The following CA10 variants were observed in gnomAD, a reference collection of about 807,000 sequenced individuals.
CA10 encodes carbonic anhydrase-related protein 10.
Under a neutral mutation model 44.2 loss-of-function variants are expected in CA10, and 14 were observed. The observed-to-expected ratio is 0.32, with a 90% CI of 0.21 to 0.50. The LOEUF (loss-of-function observed/expected upper bound fraction) is 0.50, where lower values mean the gene tolerates loss of function less well. Among genes scored for constraint, CA10 ranks in the 20% least tolerant of loss-of-function variants. The pLI, the probability that CA10 is intolerant of heterozygous loss-of-function variation, is 0.99. For missense variants in CA10, 350 were observed against 409.7 expected (o/e 0.85, Z 1.26); for synonymous variants, 159 against 141.6 (o/e 1.12, Z -0.87).
chr17:51,706,340 T>G (rs1487900164), intron 4 of CA10, among the ~76,000 whole-genome samples: 2 of 152,250 alleles, frequency 1.3e-5, no homozygotes, highest in African/African-American at 4.8e-5. Context: ...AAATGAGCTC[T>G]CATGGAAACT....
chr17:52,102,342 G>A (rs536309530), intron 1 of CA10, among the ~76,000 whole-genome samples: 4 of 152,134 alleles, frequency 2.6e-5, no homozygotes, highest in Admixed American at 6.5e-5. Context: ...TTTGCTGAGC[G>A]ATTATTTCAA....
At chr17:52,104,690 G>A (rs976917331) in intron 1 of CA10, among the ~76,000 whole-genome samples, 3 of 151,992 alleles carry the variant, frequency 2.0e-5, no homozygotes, top group Non-Finnish European at 2.9e-5. Flanking sequence ...TGGACTCCAC[G>A]GCACAACAAG....
At chr17:52,155,562 T>C (rs1315145955) in intron 1 of CA10, among the ~76,000 whole-genome samples, 2 of 152,162 alleles carry the variant, frequency 1.3e-5, no homozygotes, top group African/African-American at 4.8e-5. Context: ...ACTGAATGAG[T>C]GGCTCTGCTT....
intron 3 of CA10, among the ~76,000 whole-genome samples, chr17:51,833,189 C>G (rs1216045521): frequency 2.0e-5 from 3 of 152,150 alleles, no homozygotes; most frequent in African/African-American, 7.2e-5. Flanking sequence ...CCAGGCTTCT[C>G]CCTTGAGCAT....
chr17:51,793,629 T>G (rs77845006), intron 3 of CA10, among the ~76,000 whole-genome samples: 129 of 152,358 alleles, frequency 8.5e-4, no homozygotes, highest in African/African-American at 3.1e-3. Context: ...TGCTGTAGCT[T>G]GGTAATAAAC....
chr17:52,080,514 A>G (rs1987946478), intron 1 of CA10, among the ~76,000 whole-genome samples: 1 of 149,222 alleles, frequency 6.7e-6, no homozygotes, highest in African/African-American at 2.5e-5. Flanking sequence ...TAAAATAAAT[A>G]GAGAGAAGCT....
intron 4 of CA10, among the ~76,000 whole-genome samples, chr17:51,654,214 A>T (rs994355326): frequency 6.6e-6 from 1 of 152,232 alleles, no homozygotes; most frequent in Non-Finnish European, 1.5e-5. Flanking sequence ...CCAGCCTGCA[A>T]GATGCAGTAG....
chr17:52,061,570 T>C (rs1987386001), intron 2 of CA10, among the ~76,000 whole-genome samples: 1 of 152,174 alleles, frequency 6.6e-6, no homozygotes, highest in Non-Finnish European at 1.5e-5. Context: ...AGAGACCTAG[T>C]GGGAGGTGAT....
intron 6 of CA10, among the ~76,000 whole-genome samples, chr17:51,643,693 T>C (rs965087778): frequency 6.6e-6 from 1 of 152,242 alleles, no homozygotes. Context: ...CTCTGTGTCC[T>C]GTATTGCATT....
intron 4 of CA10, among the ~76,000 whole-genome samples, chr17:51,717,337 G>C (rs1460116002): frequency 6.6e-6 from 1 of 151,694 alleles, no homozygotes; most frequent in Non-Finnish European, 1.5e-5. Flanking sequence ...GCCCAACATT[G>C]GCCTGTTGGC....
At chr17:51,747,599 C>T (rs764154026) in intron 4 of CA10, 34 bp downstream of exon 4, 1 of 1,552,246 alleles carries the variant, frequency 6.4e-7, no homozygotes, top group Admixed American at 1.9e-5. Context: ...TATAAGTTGA[C>T]ATTTAACCTT....
intron 4 of CA10, among the ~76,000 whole-genome samples, chr17:51,699,051 T>C (rs1567808081): frequency 6.6e-6 from 1 of 152,192 alleles, no homozygotes; most frequent in African/African-American, 2.4e-5. Flanking sequence ...CCGAGTGTGG[T>C]GACTCACGCC....
At chr17:51,900,547 G>A (rs1473456693) in intron 3 of CA10, among the ~76,000 whole-genome samples, 1 of 152,074 alleles carries the variant, frequency 6.6e-6, no homozygotes, top group African/African-American at 2.4e-5. Flanking sequence ...GAGGTTCTCT[G>A]TATTTCTCAA....
intron 5 of CA10, among the ~76,000 whole-genome samples, chr17:51,650,468 C>G (rs781737558): frequency 1.3e-5 from 2 of 152,150 alleles, no homozygotes; most frequent in Non-Finnish European, 2.9e-5. Context: ...ATCTGTCTCC[C>G]TTTTTGCGGT....
At chr17:51,809,585 A>G (rs1253191625) in intron 3 of CA10, among the ~76,000 whole-genome samples, 2 of 152,224 alleles carry the variant, frequency 1.3e-5, no homozygotes, top group African/African-American at 4.8e-5. Flanking sequence ...ACATCCTGGT[A>G]TCGAGGACCA....
chr17:51,936,338 T>C (rs2144006299), intron 2 of CA10, among the ~76,000 whole-genome samples: 1 of 152,240 alleles, frequency 6.6e-6, no homozygotes, highest in Middle Eastern at 3.4e-3. Context: ...GGTAAGCATG[T>C]TGTAGAGACA....
intron 3 of CA10, among the ~76,000 whole-genome samples, chr17:51,749,178 C>T (rs929574134): frequency 6.6e-6 from 1 of 152,214 alleles, no homozygotes; most frequent in Non-Finnish European, 1.5e-5. Flanking sequence ...ACAAAAATGA[C>T]AGGAATTCTT....
upstream of CA10, chr17:52,159,556 CCAA>C (rs1409254871): frequency 6.6e-6 from 1 of 152,338 alleles, no homozygotes; most frequent in Admixed American, 6.5e-5. Flanking sequence ...ATACTTTCCG[CCAA>C]CGACACTCAG....
intron 1 of CA10, among the ~76,000 whole-genome samples, chr17:52,079,317 G>A (rs1037207477): frequency 1.3e-5 from 2 of 151,752 alleles, no homozygotes; most frequent in African/African-American, 4.8e-5. Context: ...AAATTAGCAG[G>A]GTGTGGTAGT....
Sources: gnomAD v4.1 joint callset for allele counts (sites outside exome capture counted in the v4.1 genomes callset) on GRCh38, gnomAD v4.1.1 for gene constraint, MANE v1.5 for transcripts, NCBI Gene and HGNC (gene_info 2026-07-23, HGNC 2026-07-21) for gene names.